Variants in FRMPD4 observed in about 807,000 individuals in gnomAD.
FRMPD4 encodes FERM and PDZ domain-containing protein 4.
Under a neutral mutation model 94.1 loss-of-function variants are expected in FRMPD4, and 22 were observed. The observed-to-expected ratio is 0.23, with a 90% CI of 0.17 to 0.33. The LOEUF (loss-of-function observed/expected upper bound fraction) is 0.33. Among genes scored for constraint, FRMPD4 ranks in the 10% least tolerant of loss-of-function variants. The probability of loss-of-function intolerance (pLI) is 1.00; values close to 1 mark genes in which losing one functional copy is unlikely to be tolerated. For synonymous variants in FRMPD4, 631 were observed against 548.6 expected, an observed-to-expected ratio of 1.15 and a Z score of -2.10; for missense variants, 1,111 against 1,339.9, an observed-to-expected ratio of 0.83 and a Z score of 2.67.
intron 1 of FRMPD4, among the ~76,000 whole-genome samples, chrX:12,161,282 C>T (rs1453237516): frequency 4.5e-5 from 5 of 111,477 alleles, no homozygotes; most frequent in Non-Finnish European, 9.4e-5. Context: ...CCTCAGCCTT[C>T]CATGTAGCTG....
intron 2 of FRMPD4, among the ~76,000 whole-genome samples, chrX:12,602,667 A>G (rs2059095367): frequency 8.9e-6 from 1 of 111,856 alleles, no homozygotes; most frequent in Non-Finnish European, 1.9e-5. Flanking sequence ...AACCATCATC[A>G]TGTCTTATCC....
chrX:12,319,541 G>T (rs1022032428), intron 1 of FRMPD4, among the ~76,000 whole-genome samples: 2 of 111,545 alleles, frequency 1.8e-5, no homozygotes, highest in South Asian at 3.8e-4. Context: ...CTCCCCACAG[G>T]CTGGATCTGC....
chrX:12,275,689 G>A (rs1024404944), intron 1 of FRMPD4, among the ~76,000 whole-genome samples: 12 of 109,865 alleles, frequency 1.1e-4, no homozygotes, highest in African/African-American at 3.7e-4. Context: ...GGGTGGAAGT[G>A]AGAAGGGAGG....
chrX:12,277,880 G>A (rs1034391449), intron 1 of FRMPD4, among the ~76,000 whole-genome samples: 1 of 111,968 alleles, frequency 8.9e-6, no homozygotes, highest in Admixed American at 9.4e-5. Context: ...CTATCGTGTT[G>A]GACAGCACAG....
At chrX:12,059,846 A>G (rs1448712969) in intron 3 of FRMPD4, among the ~76,000 whole-genome samples, 1 of 111,368 alleles carries the variant, frequency 9.0e-6, no homozygotes, top group Non-Finnish European at 1.9e-5. Flanking sequence ...ATTTTTAAAA[A>G]TCCAATCCAC....
In FRMPD4 at chrX:12,475,945, C is replaced by G. The variant is rs773732124; in HGVS notation, c.42-22735C>G. Among the ~76,000 whole-genome samples, 3 of 111,450 alleles carry G rather than the reference C, an allele frequency of 2.7e-5. No homozygotes were observed. In the South Asian group the frequency reaches 1.2e-3, roughly 43 times the overall value. ...ATCAAGCTACCAATGACTTTCTTCA[C>G]AGAATTGGAAAAAGCTACTTTAAAG... On this transcript the variant is annotated intron_variant, in intron 1 of 16. Coordinates refer to ENST00000675598, the MANE Select transcript of FRMPD4 (RefSeq NM_001368397.1).
chrX:11,976,692 A>G lies in FRMPD4; in HGVS notation c.95+98674A>G, dbSNP rs137907701. Among the ~76,000 whole-genome samples, 965 of 112,147 alleles carry G rather than the reference A, an allele frequency of 8.6e-3. 7 individuals carry two copies. The highest frequency in any genetic ancestry group is 0.03 in the African/African-American group (934 of 30,886). ...AGATCACACACTTTTGTTTTGTTTCAAAAAAGCCCATTGCCATTCAAGTTG... is the reference window on the plus strand; with the variant it reads ...AGATCACACACTTTTGTTTTGTTTCGAAAAAGCCCATTGCCATTCAAGTTG... On this transcript the variant is annotated intron_variant, in intron 3 of 18. Coordinates refer to the FRMPD4 transcript ENST00000640291.
intron 1 of FRMPD4, among the ~76,000 whole-genome samples, chrX:11,824,627 C>G (rs1343258670): frequency 9.0e-6 from 1 of 111,637 alleles, no homozygotes; most frequent in African/African-American, 3.3e-5. Context: ...TGAGAATGGT[C>G]CTTCATGACT....
rs181703075 is a variant in FRMPD4, at chrX:12,488,688, A to C, written c.42-9992A>C. 3.6e-5 allele frequency among the ~76,000 whole-genome samples: 4 copies of C among 111,331 alleles called. No homozygotes were observed. In the East Asian group the frequency reaches 8.4e-4, roughly 23 times the overall value. On this transcript the variant is annotated intron_variant, in intron 1 of 16. Coordinates refer to ENST00000675598, the MANE Select transcript of FRMPD4 (RefSeq NM_001368397.1). ...TACTTCAGTGAAAAAAAAGTTTTGC[A>C]CAATTTGTGTATCAGAGTCTCTTCC...
At chrX:12,235,810 A>G (rs779690747) in intron 1 of FRMPD4, among the ~76,000 whole-genome samples, 4 of 112,264 alleles carry the variant, frequency 3.6e-5, no homozygotes, top group South Asian at 3.7e-4. Context: ...TGCCAATTTT[A>G]TCACTGCTGC....
chrX:12,260,338 A>G (rs1483381823), intron 1 of FRMPD4, among the ~76,000 whole-genome samples: 1 of 111,987 alleles, frequency 8.9e-6, no homozygotes, highest in Non-Finnish European at 1.9e-5. Flanking sequence ...AATTTATCCT[A>G]TGTTCTTCCT....
chrX:12,686,791 T>C (rs2060028883), intron 7 of FRMPD4, among the ~76,000 whole-genome samples: 1 of 111,718 alleles, frequency 9.0e-6, no homozygotes, highest in Non-Finnish European at 1.9e-5. Flanking sequence ...CACAGGTGAG[T>C]TTTAGATAAT....
At chrX:12,148,447 G>A (rs1251203522) in intron 1 of FRMPD4, among the ~76,000 whole-genome samples, 1 of 112,525 alleles carries the variant, frequency 8.9e-6, no homozygotes, top group African/African-American at 3.2e-5. Context: ...GAAAAGTGAG[G>A]AAGCTGCAGA....
chrX:12,203,065 C>T (rs1293156298), intron 1 of FRMPD4, among the ~76,000 whole-genome samples: 1 of 111,765 alleles, frequency 8.9e-6, no homozygotes, highest in Non-Finnish European at 1.9e-5. Flanking sequence ...GTTATGGCAT[C>T]CATGGGAAAC....
chrX:12,471,564 T>C (rs1180763594), intron 1 of FRMPD4, among the ~76,000 whole-genome samples: 1 of 111,492 alleles, frequency 9.0e-6, no homozygotes, highest in Non-Finnish European at 1.9e-5. Flanking sequence ...ACAGGATGAC[T>C]TGATTTGGCA....
At chrX:12,205,264 G>A (rs4830767) in intron 1 of FRMPD4, among the ~76,000 whole-genome samples, 51,516 of 109,733 alleles carry the variant, frequency 0.47, 8,709 homozygotes, top group African/African-American at 0.48. Context: ...AAATTTCACA[G>A]CCTGTTCCAG....
At chrX:12,325,699 G>C (rs1229486394) in intron 1 of FRMPD4, among the ~76,000 whole-genome samples, 1 of 112,385 alleles carries the variant, frequency 8.9e-6, no homozygotes, top group African/African-American at 3.2e-5. Context: ...CTATGTGCTA[G>C]AAATATCAGC....
intron 1 of FRMPD4, among the ~76,000 whole-genome samples, chrX:12,249,868 GT>G (rs2054009388): frequency 9.0e-6 from 1 of 111,455 alleles, no homozygotes; most frequent in African/African-American, 3.3e-5. Flanking sequence ...ACCTAGTCTG[GT>G]TGTATTTTGC....
At chrX:12,120,242 C>T (rs2055443045) in intron 3 of FRMPD4, among the ~76,000 whole-genome samples, 1 of 112,384 alleles carries the variant, frequency 8.9e-6, no homozygotes, top group African/African-American at 3.2e-5. Flanking sequence ...TTGGAATTTT[C>T]AGTTAGAGAA....
Sources: allele counts gnomAD v4.1 joint callset (sites outside exome capture counted in the v4.1 genomes callset), GRCh38; gene constraint gnomAD v4.1.1; transcripts MANE v1.5; gene names NCBI Gene and HGNC (gene_info 2026-07-23, HGNC 2026-07-21).